The following EDC3 variants were observed in gnomAD, a reference collection of about 807,000 sequenced individuals.
EDC3 encodes the protein enhancer of mRNA decapping 3.
EDC3 carries 20 observed loss-of-function variants against 41.8 expected under a neutral mutation model. That is an observed-to-expected ratio of 0.48 (90% CI 0.34 to 0.70). The LOEUF (loss-of-function observed/expected upper bound fraction) is 0.70, where lower values mean the gene tolerates loss of function less well. Among genes scored for constraint, EDC3 ranks in the 30% least tolerant of loss-of-function variants. The pLI, the probability that EDC3 is intolerant of heterozygous loss-of-function variation, is 0.01. For synonymous variants in EDC3, 206 were observed against 243.2 expected, an observed-to-expected ratio of 0.85 and a Z score of 1.42; for missense variants, 444 against 636.8, an observed-to-expected ratio of 0.70 and a Z score of 3.26.
intron 1 of EDC3, among the ~76,000 whole-genome samples, chr15:74,682,350 G>A (rs1200183995): frequency 6.6e-6 from 1 of 151,984 alleles, no homozygotes; most frequent in African/African-American, 2.4e-5. Flanking sequence ...TGGGCACGGT[G>A]GCTCACGCCT....
intron 4 of EDC3, chr15:74,644,760 A>G (rs1049044855): frequency 2.0e-5 from 3 of 152,064 alleles, no homozygotes; most frequent in African/African-American, 7.2e-5. Context: ...CCTTCATACT[A>G]AAGCTCCACT....
At chr15:74,662,585 A>G (rs1172573666) in intron 3 of EDC3, among the ~76,000 whole-genome samples, 1 of 152,170 alleles carries the variant, frequency 6.6e-6, no homozygotes, top group Non-Finnish European at 1.5e-5. Context: ...AGGAAGATAA[A>G]GTTGTTGACA....
chr15:74,635,480 A>G lies in EDC3; in HGVS notation c.1121T>C (p.Met374Thr). Residue 374 changes from methionine (M) to threonine (T), a missense_variant, in exon 6 of 7, where the codon ATG (methionine) becomes ACG (threonine). Met to Thr is a moderately conservative substitution (Grantham distance 81). Around this residue, in one of 3 missense-constraint regions of EDC3, gnomAD observed 242 missense variants for 363.8 expected, o/e 0.67. Coordinates refer to ENST00000315127, the MANE Select transcript of EDC3 (RefSeq NM_025083.5). ...VILFLPNFVKMLESITNELSL... is the reference protein window; with the variant it reads ...VILFLPNFVKTLESITNELSL... Reference sequence around the variant, plus strand: ...CAGCTCATTGGTGATAGATTCCAACATCTTGACAAAATTGGGCAGGAAAAG... The same window carrying G: ...CAGCTCATTGGTGATAGATTCCAACGTCTTGACAAAATTGGGCAGGAAAAG... 6.2e-7 allele frequency: 1 copy of G among 1,614,232 alleles called. No individual in the cohort carries two copies.
At chr15:74,661,588 G>A (rs2062620882) in intron 3 of EDC3, among the ~76,000 whole-genome samples, 1 of 151,988 alleles carries the variant, frequency 6.6e-6, no homozygotes, top group South Asian at 2.1e-4. Context: ...GACCAGCACT[G>A]GGCGTGGTGG....
Position 74,640,563 on chromosome 15 carries a change from C to A in EDC3, c.877G>T (p.Val293Leu). ...SYELHKKLLSVAEKHGLTLER... is the reference protein window; with the variant it reads ...SYELHKKLLSLAEKHGLTLER... Reference sequence around the variant, plus strand: ...AGGGTCAGCCCATGCTTCTCAGCCACGGACAACAGCTTTTTATGCAGCTCA... The same window carrying A: ...AGGGTCAGCCCATGCTTCTCAGCCAAGGACAACAGCTTTTTATGCAGCTCA... The change falls in exon 5 of 7, where the codon GTG becomes TTG. Residue 293 changes from valine (V) to leucine (L), a missense_variant. Val to Leu is a conservative substitution (Grantham distance 32). Around this residue, in one of 3 missense-constraint regions of EDC3, gnomAD observed 242 missense variants for 363.8 expected, o/e 0.67. Transcript: ENST00000315127. The A allele has an allele frequency of 6.2e-7, 1 of 1,614,182 alleles. No individual in the cohort carries two copies. The highest frequency in any genetic ancestry group is 8.5e-7 in the Non-Finnish European group (1 of 1,180,026).
chr15:74,695,780 C>T (rs2063058256), intron 1 of EDC3, 100 bp downstream of exon 1: 1 of 153,068 alleles, frequency 6.5e-6, no homozygotes, highest in East Asian at 1.9e-4. Flanking sequence ...CTGCCTGCCT[C>T]TATAAAGGTC....
intron 4 of EDC3, chr15:74,643,840 G>T (rs1316918060): frequency 1.3e-5 from 2 of 152,190 alleles, no homozygotes; most frequent in African/African-American, 2.4e-5. Context: ...TAATTGGAAA[G>T]GCTGCATGTG....
At chr15:74,633,287 A>G (rs542378694) in intron 6 of EDC3, among the ~76,000 whole-genome samples, 3 of 152,278 alleles carry the variant, frequency 2.0e-5, no homozygotes, top group Non-Finnish European at 4.4e-5. Flanking sequence ...ATATCCAACT[A>G]ATGCCCTGGG....
chr15:74,661,495 C>T (rs1057198750), intron 3 of EDC3, among the ~76,000 whole-genome samples: 10 of 152,114 alleles, frequency 6.6e-5, no homozygotes, highest in African/African-American at 1.2e-4. Context: ...AATGTACACA[C>T]GGCCAGGGGT....
At chr15:74,636,399 G>A (rs1210624575) in intron 5 of EDC3, 1 of 152,260 alleles carries the variant, frequency 6.6e-6, no homozygotes, top group Non-Finnish European at 1.5e-5. Context: ...GCAGGCCAAG[G>A]GTTACCTGGC....
intron 4 of EDC3, among the ~76,000 whole-genome samples, chr15:74,653,748 T>G (rs2062509629): frequency 6.6e-6 from 1 of 152,172 alleles, no homozygotes; most frequent in African/African-American, 2.4e-5. Context: ...AACTTTTCAC[T>G]TCAGTCATTA....
chr15:74,646,022 T>C lies in EDC3; in HGVS notation c.821-5403A>G, dbSNP rs980802330. Among the ~76,000 whole-genome samples, 73 of 151,002 alleles carry C rather than the reference T, an allele frequency of 4.8e-4. 1 individual carries two copies. The highest frequency in any genetic ancestry group is 1.7e-3 in the African/African-American group (70 of 41,262). ...ACAGAGAAAATAAAACGAGTAGAAA[T>C]ACAGAGACCGTTCCCAGTCTTTTTG... On this transcript the variant is annotated intron_variant, in intron 4 of 6. Transcript: ENST00000315127.
chr15:74,632,497 GA>G lies in EDC3; in HGVS notation c.*114del. 1 of 1,258,638 alleles carries G rather than the reference GA, an allele frequency of 7.9e-7. No homozygotes were observed. The highest frequency in any genetic ancestry group is 1.1e-6 in the Non-Finnish European group (1 of 913,200). The allele number at this position is 1,258,638 out of a possible 1,614,324, so 78.0% of individuals were successfully genotyped here. ...AAGTAAGTTCTGTTCTCTCACAGAA[GA>G]AACAAACCCAAAAGAGAAAAAACTT... On this transcript the variant is annotated 3_prime_UTR_variant, in exon 7 of 7. Coordinates refer to ENST00000315127, the MANE Select transcript of EDC3 (RefSeq NM_025083.5). This position sits in a 1 kb window ranked among gnomAD's most constrained non-coding sequence, Gnocchi z 4.0.
chr15:74,690,085 T>C (rs1009903186), intron 1 of EDC3, among the ~76,000 whole-genome samples: 5 of 152,236 alleles, frequency 3.3e-5, no homozygotes, highest in African/African-American at 1.2e-4. Context: ...TTCTGTGTAG[T>C]ATTCAACAAT....
At chr15:74,633,068 C>T in intron 6 of EDC3, 122 bp from the exon 7 acceptor site, 3 of 1,049,918 alleles carry the variant, frequency 2.9e-6, no homozygotes, top group Non-Finnish European at 2.7e-6. Flanking sequence ...AATGCCTCTC[C>T]AAAGGCTGGC....
intron 1 of EDC3, among the ~76,000 whole-genome samples, chr15:74,675,394 T>C (rs1011441986): frequency 1.3e-5 from 2 of 151,948 alleles, no homozygotes; most frequent in Non-Finnish European, 2.9e-5. Flanking sequence ...TAAAGATATT[T>C]ATTACACATC....
intron 3 of EDC3, among the ~76,000 whole-genome samples, chr15:74,657,400 C>T (rs2062562800): frequency 6.6e-6 from 1 of 152,220 alleles, no homozygotes; most frequent in South Asian, 2.1e-4. Context: ...AGTTTGATCC[C>T]ACTGGCACTG....
At chr15:74,673,602 C>T (rs527940696) in intron 2 of EDC3, among the ~76,000 whole-genome samples, 32 of 151,954 alleles carry the variant, frequency 2.1e-4, no homozygotes, top group Non-Finnish European at 3.5e-4. Flanking sequence ...TTTGGGAGGC[C>T]GAGAAGGGCA....
chr15:74,681,712 G>A (rs2062872663), intron 1 of EDC3, among the ~76,000 whole-genome samples: 1 of 152,100 alleles, frequency 6.6e-6, no homozygotes, highest in Non-Finnish European at 1.5e-5. Flanking sequence ...GCAAAAAAAT[G>A]AACCTCAAAC....
Sources: gnomAD v4.1 joint callset for allele counts (sites outside exome capture counted in the v4.1 genomes callset) on GRCh38, gnomAD v4.1.1 for gene constraint, gnomAD v4.1.1 regional missense constraint, Gnocchi (gnomAD v3.1) non-coding constraint, MANE v1.5 for transcripts, NCBI Gene and HGNC (gene_info 2026-07-23, HGNC 2026-07-21) for gene names.